RORA: variants seen among roughly 807,000 people sequenced by gnomAD.
RORA encodes RAR related orphan receptor A.
RORA carries 7 observed loss-of-function variants against 69.5 expected under a neutral mutation model. The observed-to-expected ratio is 0.10, with a 90% CI of 0.06 to 0.19. The LOEUF is 0.19. RORA is among the 10% of genes least tolerant of loss of function. RORA has a pLI of 1.00. For missense variants in RORA, 457 were observed against 663.0 expected, an observed-to-expected ratio of 0.69 and a Z score of 3.41; for synonymous variants, 261 against 240.8, an observed-to-expected ratio of 1.08 and a Z score of -0.78.
intron 4 of RORA, among the ~76,000 whole-genome samples, chr15:60,512,669 T>C (rs1328568805): frequency 2.0e-5 from 3 of 152,226 alleles, no homozygotes; most frequent in Admixed American, 2.0e-4. Flanking sequence ...AGGACAAATA[T>C]GGTATTATAA....
At chr15:61,051,805 C>T (rs974324574) in intron 1 of RORA, among the ~76,000 whole-genome samples, 1 of 152,204 alleles carries the variant, frequency 6.6e-6, no homozygotes, top group Non-Finnish European at 1.5e-5. Flanking sequence ...TGACCATTCC[C>T]GTGAGCCTCA....
chr15:60,852,361 C>T (rs780073417), intron 1 of RORA, among the ~76,000 whole-genome samples: 1 of 152,204 alleles, frequency 6.6e-6, no homozygotes, highest in African/African-American at 2.4e-5. Flanking sequence ...GCCAGCTGCA[C>T]AGCTGTGCGT....
chr15:61,063,846 C>T (rs1326016602), intron 1 of RORA, among the ~76,000 whole-genome samples: 2 of 152,102 alleles, frequency 1.3e-5, no homozygotes, highest in Non-Finnish European at 2.9e-5. Context: ...AAACATGAGC[C>T]AGCATTGCAG....
intron 1 of RORA, among the ~76,000 whole-genome samples, chr15:61,069,386 C>T (rs183293645): frequency 2.6e-5 from 4 of 151,892 alleles, no homozygotes; most frequent in African/African-American, 9.7e-5. Context: ...CTATGCCATC[C>T]CAAAGGAGAA....
chr15:60,970,992 A>G (rs1566928981), intron 1 of RORA, among the ~76,000 whole-genome samples: 1 of 152,224 alleles, frequency 6.6e-6, no homozygotes, highest in Non-Finnish European at 1.5e-5. Flanking sequence ...GTTGGAAGAA[A>G]GCATAGTCAT....
At chr15:60,930,005 C>G (rs908105474) in intron 1 of RORA, among the ~76,000 whole-genome samples, 13 of 152,154 alleles carry the variant, frequency 8.5e-5, no homozygotes, top group African/African-American at 3.1e-4. Context: ...GAAATGCTCT[C>G]TATTTGTGTT....
intron 1 of RORA, among the ~76,000 whole-genome samples, chr15:60,739,356 T>C (rs1028069973): frequency 6.6e-6 from 1 of 152,108 alleles, no homozygotes. Flanking sequence ...GTGGATCACT[T>C]GAACTCAGGC....
intron 1 of RORA, among the ~76,000 whole-genome samples, chr15:60,772,286 G>A (rs1042668252): frequency 6.6e-6 from 1 of 152,068 alleles, no homozygotes; most frequent in Non-Finnish European, 1.5e-5. Flanking sequence ...TCAGTTCAAG[G>A]TGGGATTTTT....
intron 1 of RORA, among the ~76,000 whole-genome samples, chr15:61,175,240 G>C (rs770322591): frequency 6.6e-6 from 1 of 152,132 alleles, no homozygotes; most frequent in Non-Finnish European, 1.5e-5. Flanking sequence ...TGTGTCCATG[G>C]TCCTGAAAAT....
chr15:60,665,145 A>G (rs1567147052), intron 2 of RORA, among the ~76,000 whole-genome samples: 1 of 152,254 alleles, frequency 6.6e-6, no homozygotes, highest in Non-Finnish European at 1.5e-5. Context: ...TTAAAATTCA[A>G]TAAGTAATCT....
intron 2 of RORA, among the ~76,000 whole-genome samples, chr15:60,589,653 A>G (rs2068440930): frequency 6.6e-6 from 1 of 152,226 alleles, no homozygotes; most frequent in Non-Finnish European, 1.5e-5. Flanking sequence ...GACTAGAGTT[A>G]CTCAAATGAA....
At chr15:61,044,722 C>T (rs181928318) in intron 1 of RORA, among the ~76,000 whole-genome samples, 181 of 152,288 alleles carry the variant, frequency 1.2e-3, no homozygotes, top group African/African-American at 3.8e-3. Context: ...AGACACTCAT[C>T]AGGTATGATT....
intron 1 of RORA, among the ~76,000 whole-genome samples, chr15:60,976,837 C>T (rs527690539): frequency 2.0e-5 from 3 of 152,312 alleles, no homozygotes; most frequent in Admixed American, 6.5e-5. Context: ...CATGGCCCAG[C>T]TCACCCACCA....
chr15:61,095,219 T>C (rs2078771466), intron 1 of RORA, among the ~76,000 whole-genome samples: 1 of 152,178 alleles, frequency 6.6e-6, no homozygotes, highest in Non-Finnish European at 1.5e-5. Flanking sequence ...TAAGCTAGAA[T>C]GCTCAGGTGG....
At chr15:61,216,763 G>A (rs529725986) in intron 1 of RORA, among the ~76,000 whole-genome samples, 20 of 152,302 alleles carry the variant, frequency 1.3e-4, no homozygotes, top group African/African-American at 4.6e-4. Flanking sequence ...CTGAATTTCA[G>A]TGATTTGTCC....
At chr15:60,835,812 GC>G (rs1171043413) in intron 1 of RORA, among the ~76,000 whole-genome samples, 1 of 152,130 alleles carries the variant, frequency 6.6e-6, no homozygotes, top group Non-Finnish European at 1.5e-5. Flanking sequence ...TAGATGACTG[GC>G]CTCTGTCATT....
intron 2 of RORA, among the ~76,000 whole-genome samples, chr15:60,597,551 C>CATAT (rs1203238304): frequency 1.6e-3 from 39 of 25,124 alleles, no homozygotes; most frequent in East Asian, 0.011. Context: ...ACACACACAA[C>CATAT]ATATATATAT....
intron 1 of RORA, among the ~76,000 whole-genome samples, chr15:61,027,771 A>G (rs1471209347): frequency 6.6e-6 from 1 of 152,208 alleles, no homozygotes; most frequent in Admixed American, 6.5e-5. Flanking sequence ...TGTGATTTGA[A>G]GTTAGAAAAA....
chr15:60,839,642 T>C (rs1409012021), intron 1 of RORA, among the ~76,000 whole-genome samples: 1 of 152,138 alleles, frequency 6.6e-6, no homozygotes, highest in Non-Finnish European at 1.5e-5. Context: ...AGGGTAGGTA[T>C]AATGAGTTTG....
Sources: gnomAD v4.1 joint callset for allele counts (sites outside exome capture counted in the v4.1 genomes callset) on GRCh38, gnomAD v4.1.1 for gene constraint, MANE v1.5 for transcripts, NCBI Gene and HGNC (gene_info 2026-07-23, HGNC 2026-07-21) for gene names.